The following KALRN variants were observed in gnomAD, a reference collection of about 807,000 sequenced individuals.
KALRN encodes kalirin RhoGEF kinase, also known as kalirin.
KALRN carries 70 observed loss-of-function variants against 353.7 expected under a neutral mutation model. That is an observed-to-expected ratio of 0.20 (90% CI 0.16 to 0.24). KALRN has a LOEUF of 0.24. KALRN is among the 10% of genes least tolerant of loss of function. The pLI is 1.00. For missense variants in KALRN, 2,791 were observed against 3,756.7 expected (o/e 0.74, Z 6.72); for synonymous variants, 1,391 against 1,434.8 (o/e 0.97, Z 0.69).
chr3:124,353,150 T>C (rs538804533), intron 10 of KALRN, among the ~76,000 whole-genome samples: 2 of 152,220 alleles, frequency 1.3e-5, no homozygotes, highest in African/African-American at 2.4e-5. Context: ...CTTGATACTT[T>C]GTTGACTTAG....
chr3:124,490,962 C>A, intron 30 of KALRN, 78 bp downstream of exon 30: 1 of 1,301,802 alleles, frequency 7.7e-7, no homozygotes, highest in Non-Finnish European at 1.1e-6. Flanking sequence ...TGGACACACT[C>A]ATCTCATCTC....
chr3:124,577,531 G>A (rs1303862359), intron 34 of KALRN, among the ~76,000 whole-genome samples: 2 of 152,138 alleles, frequency 1.3e-5, no homozygotes, highest in East Asian at 3.8e-4. Flanking sequence ...ACACCTTACT[G>A]TTAAAATAAC....
chr3:124,064,459 G>A (rs572512595), intron 1 of KALRN, among the ~76,000 whole-genome samples: 1 of 152,200 alleles, frequency 6.6e-6, no homozygotes, highest in African/African-American at 2.4e-5. Flanking sequence ...TAGAGAAGAA[G>A]AATATTCTCT....
chr3:124,267,528 A>G (rs990640727), intron 4 of KALRN, among the ~76,000 whole-genome samples: 1 of 152,212 alleles, frequency 6.6e-6, no homozygotes, highest in Non-Finnish European at 1.5e-5. Context: ...CCAAGCTCCC[A>G]TTTAGCCAAT....
At chr3:124,593,802 A>T (rs1024953916) in intron 34 of KALRN, among the ~76,000 whole-genome samples, 1 of 152,196 alleles carries the variant, frequency 6.6e-6, no homozygotes, top group African/African-American at 2.4e-5. Flanking sequence ...AGGTTGTTGC[A>T]TCTTTCTTCT....
At chr3:124,344,806 A>G (rs2082110216) in intron 9 of KALRN, among the ~76,000 whole-genome samples, 1 of 152,250 alleles carries the variant, frequency 6.6e-6, no homozygotes, top group African/African-American at 2.4e-5. Context: ...TAGGTTTTTA[A>G]GTGATGAAGG....
At chr3:124,361,374 A>G (rs1560677505) in intron 10 of KALRN, among the ~76,000 whole-genome samples, 1 of 152,318 alleles carries the variant, frequency 6.6e-6, no homozygotes, top group South Asian at 2.1e-4. Flanking sequence ...AGTTGCTAAT[A>G]CTTTCTGTTT....
At chr3:124,221,706 T>C (rs559235498) in intron 1 of KALRN, among the ~76,000 whole-genome samples, 42 of 152,292 alleles carry the variant, frequency 2.8e-4, no homozygotes, top group African/African-American at 9.6e-4. Flanking sequence ...CCGTGGATGA[T>C]GGCACCAGTA....
intron 13 of KALRN, chr3:124,410,142 A>G: frequency 2.0e-6 from 1 of 501,630 alleles, no homozygotes; most frequent in South Asian, 1.5e-5. Flanking sequence ...AATTCCCAAG[A>G]TTCCAGACCT....
intron 5 of KALRN, among the ~76,000 whole-genome samples, chr3:124,285,782 T>C (rs1580489925): frequency 1.3e-5 from 2 of 152,328 alleles, no homozygotes; most frequent in South Asian, 4.1e-4. Flanking sequence ...ATGATCCACC[T>C]GCCTGGGCCT....
At chr3:124,634,610 G>A (rs1477872300) in intron 36 of KALRN, among the ~76,000 whole-genome samples, 5 of 152,194 alleles carry the variant, frequency 3.3e-5, no homozygotes, top group Non-Finnish European at 5.9e-5. Flanking sequence ...TAGGTTAGAC[G>A]TGCTTCCAGG....
intron 1 of KALRN, among the ~76,000 whole-genome samples, chr3:124,056,085 A>C (rs2041511768): frequency 6.6e-6 from 1 of 152,162 alleles, no homozygotes; most frequent in African/African-American, 2.4e-5. Flanking sequence ...GAGGCAATTT[A>C]TCTCTTCAAG....
chr3:124,679,347 C>A, intron 50 of KALRN, 111 bp from the exon 51 acceptor site: 1 of 903,992 alleles, frequency 1.1e-6, no homozygotes, highest in Non-Finnish European at 1.8e-6. Flanking sequence ...TTTTCTCTGC[C>A]CAAGATCCCA....
intron 5 of KALRN, 132 bp downstream of exon 5, chr3:124,269,387 T>C: frequency 5.1e-6 from 5 of 984,658 alleles, no homozygotes; most frequent in South Asian, 1.8e-5. Flanking sequence ...TTTTAGCTAA[T>C]GTAATTTTTT....
chr3:124,357,127 C>G (rs923863912), intron 10 of KALRN, among the ~76,000 whole-genome samples: 2 of 152,244 alleles, frequency 1.3e-5, no homozygotes, highest in Non-Finnish European at 2.9e-5. Flanking sequence ...ATTCTTGATT[C>G]TTCTCTTGCT....
chr3:124,605,829 C>T (rs943644909), intron 34 of KALRN, among the ~76,000 whole-genome samples: 1 of 152,076 alleles, frequency 6.6e-6, no homozygotes, highest in Non-Finnish European at 1.5e-5. Flanking sequence ...CAGTGTGATT[C>T]GTCAAAATAA....
intron 16 of KALRN, among the ~76,000 whole-genome samples, chr3:124,432,272 G>A (rs946975703): frequency 4.6e-5 from 7 of 152,090 alleles, no homozygotes; most frequent in African/African-American, 1.7e-4. Context: ...AAAGTAGCCA[G>A]GCATGGTGGT....
At chr3:124,641,015 CG>C (rs995579073) in intron 37 of KALRN, among the ~76,000 whole-genome samples, 18 of 152,238 alleles carry the variant, frequency 1.2e-4, no homozygotes, top group African/African-American at 4.1e-4. Flanking sequence ...CTTTAGAATT[CG>C]TTTGGCTCCC....
chr3:124,445,345 AT>A (rs2093802009), intron 19 of KALRN, among the ~76,000 whole-genome samples: 1 of 152,220 alleles, frequency 6.6e-6, no homozygotes, highest in Non-Finnish European at 1.5e-5. Flanking sequence ...AATAAAATAA[AT>A]TTGATTGCTT....
Sources: gnomAD v4.1 joint callset for allele counts (sites outside exome capture counted in the v4.1 genomes callset) on GRCh38, gnomAD v4.1.1 for gene constraint, MANE v1.5 for transcripts, NCBI Gene and HGNC (gene_info 2026-07-23, HGNC 2026-07-21) for gene names.